The following TFPI variants were observed in gnomAD, a reference collection of about 807,000 sequenced individuals.
The protein encoded by TFPI is anti-convertin.
Under a neutral mutation model 34.6 loss-of-function variants are expected in TFPI, and 15 were observed. The observed-to-expected ratio is 0.43, with a 90% CI of 0.29 to 0.67. TFPI has a LOEUF of 0.67. Ranked by LOEUF, TFPI falls within the 30% of genes least tolerant of loss-of-function variation. The pLI, the probability that TFPI is intolerant of heterozygous loss-of-function variation, is 0.15. For synonymous variants in TFPI, 105 were observed against 120.1 expected (o/e 0.87, Z 0.82); for missense variants, 301 against 364.0 (o/e 0.83, Z 1.41).
chr2:187,488,255 A>G (rs1693433400), intron 4 of TFPI, 82 bp downstream of exon 4: 1 of 1,191,354 alleles, frequency 8.4e-7, no homozygotes, highest in Admixed American at 2.5e-5. Flanking sequence ...ACCAGAAAAA[A>G]CAAACAAGCA....
At chr2:187,484,759 T>A (rs1302482593) in intron 5 of TFPI, 52 bp downstream of exon 5, 16 of 1,518,284 alleles carry the variant, frequency 1.1e-5, no homozygotes, top group Non-Finnish European at 1.2e-5. Context: ...GATGCCTTAG[T>A]TTTAAAAGGA....
intron 1 of TFPI, among the ~76,000 whole-genome samples, chr2:187,524,909 T>G (rs1316380727): frequency 5.3e-5 from 8 of 151,780 alleles, no homozygotes; most frequent in Non-Finnish European, 1.0e-4. Context: ...GAAATGTGAG[T>G]CTGTGGGAAA....
intron 6 of TFPI, among the ~76,000 whole-genome samples, chr2:187,479,218 G>T (rs569295361): frequency 6.6e-6 from 1 of 152,116 alleles, no homozygotes; most frequent in African/African-American, 2.4e-5. Flanking sequence ...ATCTGCAATA[G>T]ATAGAGGACT....
intron 6 of TFPI, chr2:187,478,505 A>G: frequency 9.8e-7 from 1 of 1,019,284 alleles, no homozygotes; most frequent in Non-Finnish European, 1.3e-6. Flanking sequence ...CACAACTAGC[A>G]CGAACTCCTG....
At chr2:187,518,317 T>C (rs916715867) in intron 1 of TFPI, 3 of 152,240 alleles carry the variant, frequency 2.0e-5, no homozygotes, top group African/African-American at 7.2e-5. Context: ...CTAGAGGAGC[T>C]CTTTTAAGGC....
intron 1 of TFPI, among the ~76,000 whole-genome samples, chr2:187,544,082 C>T (rs949874890): frequency 6.6e-6 from 1 of 152,160 alleles, no homozygotes; most frequent in African/African-American, 2.4e-5. Flanking sequence ...TTTATGCTAC[C>T]TGTGCTGTGG....
Position 187,503,754 on chromosome 2 carries a change from C to A in TFPI, c.15G>T (p.Met5Ile). 6.2e-7 allele frequency: 1 copy of A among 1,612,722 alleles called. No homozygotes were observed. Among genetic ancestry groups the A allele is most frequent in the Non-Finnish European group, 8.5e-7 (1 of 1,179,104 alleles). ...AAGCCCAAAGTGCATGTACTTTCTT[C>A]ATTGTGTAAATCATCTCTGAAATAC... MIYT[M>I]KKVHALWASV... Residue 5 changes from methionine (M) to isoleucine (I), a missense_variant, in exon 2 of 8, where the codon ATG (methionine) becomes ATT (isoleucine). Transcript: ENST00000233156.
intron 1 of TFPI, among the ~76,000 whole-genome samples, chr2:187,528,865 A>G (rs1476587636): frequency 1.3e-5 from 2 of 152,090 alleles, no homozygotes; most frequent in East Asian, 3.9e-4. Flanking sequence ...TTGGTAAAAA[A>G]AAAAAAAAAT....
chr2:187,512,226 A>G, intron 1 of TFPI, among the ~76,000 whole-genome samples: 1 of 150,554 alleles, frequency 6.6e-6, no homozygotes, highest in South Asian at 2.1e-4. Context: ...AATAACTTTT[A>G]GGGGAAACCT....
At chr2:187,484,701 C>G (rs1476583437) in intron 5 of TFPI, 110 bp downstream of exon 5, 1 of 957,140 alleles carries the variant, frequency 1.0e-6, no homozygotes, top group Non-Finnish European at 1.5e-6. Flanking sequence ...ACAAATATAT[C>G]TTCATTTGCA....
chr2:187,517,035 C>A (rs113740772), intron 1 of TFPI: 6,742 of 152,286 alleles, frequency 0.044, 184 homozygotes, highest in South Asian at 0.1. Flanking sequence ...CCTTCTTTAA[C>A]CTGGTGTCTG....
chr2:187,505,128 C>T (rs1179726500), intron 1 of TFPI, among the ~76,000 whole-genome samples: 2 of 151,544 alleles, frequency 1.3e-5, no homozygotes, highest in African/African-American at 4.9e-5. Context: ...TTTTTGAACA[C>T]GTTTTTCAGA....
chr2:187,500,609 A>C (rs752789178), intron 2 of TFPI, among the ~76,000 whole-genome samples: 1 of 152,204 alleles, frequency 6.6e-6, no homozygotes, highest in African/African-American at 2.4e-5. Flanking sequence ...ATTTTCTAGG[A>C]GAAACACTAA....
In TFPI at chr2:187,465,588, T is replaced by C; in HGVS notation, c.*1348A>G. On this transcript the variant is annotated 3_prime_UTR_variant, in exon 8 of 8. Coordinates refer to ENST00000233156, the MANE Select transcript of TFPI (RefSeq NM_006287.6). The stretch of plus-strand genomic sequence containing the variant: ...TTTTCGAAAAAAAAAAAAAAAAGCA[T>C]AAAGATTTGGAGACTGTTTAGATGT... 1 of 91,998 alleles carries C rather than the reference T, an allele frequency of 1.1e-5. No homozygotes were observed. The highest frequency in any genetic ancestry group is 4.3e-5 in the African/African-American group (1 of 23,514). The allele number at this position is 91,998 out of a possible 1,614,324, so 5.7% of individuals were successfully genotyped here. A position where few individuals can be genotyped will look rare whatever the true frequency, so the allele number is the denominator to read the frequency against.
chr2:187,479,199 A>T (rs1206669571), intron 6 of TFPI, among the ~76,000 whole-genome samples: 2 of 152,094 alleles, frequency 1.3e-5, no homozygotes, highest in Non-Finnish European at 2.9e-5. Flanking sequence ...TATTTAAGGG[A>T]CAGAAAATAT....
chr2:187,471,991 T>C lies in TFPI; in HGVS notation c.629-4059A>G, dbSNP rs1478261953. Among the ~76,000 whole-genome samples the C allele has an allele frequency of 2.6e-5, 4 of 152,086 alleles. No homozygotes were observed. In the East Asian group the frequency reaches 5.8e-4, roughly 22 times the overall value. ...TTTAAAGTTTTTTTCTCTATAATTT[T>C]GTAGTAAAGAGAAATATAAATTATT... On this transcript the variant is annotated intron_variant, in intron 6 of 7. Transcript: ENST00000233156.
At chr2:187,467,627 CATTT>C (rs1691790413) in intron 7 of TFPI, 122 bp downstream of exon 7, 2 of 812,120 alleles carry the variant, frequency 2.5e-6, no homozygotes, top group South Asian at 3.8e-5. Flanking sequence ...TTGAAGAGGA[CATTT>C]ATTAGCTAGA....
Position 187,470,335 on chromosome 2 carries a change from A to G in TFPI, c.629-2403T>C, listed in dbSNP as rs756885301. ...CCAGAACAGAGAAAATTTTCTGATGACAGGGAGCAAACTTCTTCTCTTTTC... is the reference window on the plus strand; with the variant it reads ...CCAGAACAGAGAAAATTTTCTGATGGCAGGGAGCAAACTTCTTCTCTTTTC... On this transcript the variant is annotated intron_variant, in intron 6 of 7. Transcript: ENST00000233156. 4.3e-4 allele frequency among the ~76,000 whole-genome samples: 65 copies of G among 152,194 alleles called. 1 individual carries two copies. The highest frequency in any genetic ancestry group is 4.4e-5 in the Non-Finnish European group (3 of 68,030).
intron 1 of TFPI, among the ~76,000 whole-genome samples, chr2:187,511,323 G>A (rs181488085): frequency 2.2e-4 from 34 of 152,234 alleles, no homozygotes; most frequent in Admixed American, 2.2e-3. Context: ...GACTTGACTT[G>A]GATGGCTTGA....
Sources: allele counts gnomAD v4.1 joint callset (sites outside exome capture counted in the v4.1 genomes callset), GRCh38; gene constraint gnomAD v4.1.1; transcripts MANE v1.5; gene names NCBI Gene and HGNC (gene_info 2026-07-23, HGNC 2026-07-21).